Variants in TCF12 observed in about 807,000 individuals in gnomAD.
TCF12 encodes DNA-binding protein HTF4.
A neutral mutation model predicts 86.0 loss-of-function variants in TCF12; 45 were observed. The observed-to-expected ratio is 0.52, with a 90% CI of 0.41 to 0.67. The LOEUF is 0.67. TCF12 is among the 30% of genes least tolerant of loss of function. The pLI, the probability that TCF12 is intolerant of heterozygous loss-of-function variation, is 0.00. For missense variants in TCF12, 881 were observed against 859.9 expected, an observed-to-expected ratio of 1.02 and a Z score of -0.31; for synonymous variants, 330 against 299.6, an observed-to-expected ratio of 1.10 and a Z score of -1.05.
At chr15:57,239,731 G>GA (rs1161960401) in intron 12 of TCF12, among the ~76,000 whole-genome samples, 3 of 151,852 alleles carry the variant, frequency 2.0e-5, no homozygotes, top group African/African-American at 7.3e-5. Flanking sequence ...GGGAAGGGTA[G>GA]AGTGGCAGAG....
intron 8 of TCF12, among the ~76,000 whole-genome samples, chr15:57,208,380 C>CTTTTTT (rs1184422578): frequency 0.32 from 20,561 of 64,614 alleles, 4,002 homozygotes; most frequent in East Asian, 0.5. Flanking sequence ...CAAAAATATC[C>CTTTTTT]TTTTTTTTTT....
At chr15:56,961,594 G>A (rs1283960170) in intron 3 of TCF12, among the ~76,000 whole-genome samples, 1 of 152,150 alleles carries the variant, frequency 6.6e-6, no homozygotes, top group African/African-American at 2.4e-5. Flanking sequence ...TTTGAGGCTT[G>A]TATTAGTAAT....
chr15:56,950,745 GTTTTTTTT>G (rs71113040), intron 3 of TCF12, among the ~76,000 whole-genome samples: 3 of 85,900 alleles, frequency 3.5e-5, no homozygotes, highest in Admixed American at 3.3e-4. Context: ...TTATGACCAT[GTTTTTTTT>G]TTTTTTTTTT....
intron 5 of TCF12, among the ~76,000 whole-genome samples, chr15:57,136,323 G>T (rs756979697): frequency 2.6e-5 from 4 of 152,188 alleles, no homozygotes; most frequent in African/African-American, 7.2e-5. Context: ...ACTGGAAGTG[G>T]GAAGGAAACT....
chr15:56,980,932 A>C (rs1375936418), intron 3 of TCF12, among the ~76,000 whole-genome samples: 1 of 152,210 alleles, frequency 6.6e-6, no homozygotes, highest in Admixed American at 6.5e-5. Flanking sequence ...CTAAATTCTC[A>C]ATACTCAAGA....
chr15:57,069,412 C>G (rs1385564675), intron 4 of TCF12, among the ~76,000 whole-genome samples: 3 of 152,130 alleles, frequency 2.0e-5, no homozygotes, highest in African/African-American at 7.2e-5. Context: ...AAATGAATTG[C>G]TAAATGTCCA....
chr15:56,957,135 C>T lies in TCF12; in HGVS notation c.148+36037C>T, dbSNP rs561730454. Among the ~76,000 whole-genome samples, 5 of 152,282 alleles carry T rather than the reference C, an allele frequency of 3.3e-5. No homozygotes were observed. The East Asian group carries it at 9.6e-4, about 29-fold the overall frequency. ...TGTTACAATGCAATAAGAAGGCCCT[C>T]GCCAGATTCTGGCTCCTTGATCTTG... On this transcript the variant is annotated intron_variant, in intron 3 of 20. Coordinates refer to ENST00000333725, the MANE Select transcript of TCF12 (RefSeq NM_207037.2).
chr15:57,103,367 A>C (rs1259314460), intron 5 of TCF12, among the ~76,000 whole-genome samples: 3 of 152,230 alleles, frequency 2.0e-5, no homozygotes, highest in African/African-American at 7.2e-5. Flanking sequence ...TTTTCAACTT[A>C]AGGCTGTCTT....
chr15:57,141,445 G>T (rs1280819740), intron 5 of TCF12, among the ~76,000 whole-genome samples: 1 of 152,170 alleles, frequency 6.6e-6, no homozygotes, highest in Non-Finnish European at 1.5e-5. Context: ...TGCCTCCCAG[G>T]TTCAAGTGAT....
intron 4 of TCF12, among the ~76,000 whole-genome samples, chr15:57,078,305 G>A (rs1313849903): frequency 6.6e-6 from 1 of 152,096 alleles, no homozygotes; most frequent in African/African-American, 2.4e-5. Flanking sequence ...GGACTGGTTT[G>A]TACCTCATTT....
At chr15:56,923,169 A>C (rs1175338594) in intron 3 of TCF12, among the ~76,000 whole-genome samples, 1 of 152,044 alleles carries the variant, frequency 6.6e-6, no homozygotes, top group African/African-American at 2.4e-5. Context: ...CAGGTATTGT[A>C]ATTTCCTTTC....
intron 8 of TCF12, among the ~76,000 whole-genome samples, chr15:57,201,479 C>T (rs1449442633): frequency 1.3e-5 from 2 of 151,964 alleles, no homozygotes; most frequent in Admixed American, 6.6e-5. Context: ...AAAATAAACA[C>T]GTGTTGAGGT....
At position 57,263,093 on chromosome 15, in the gene TCF12, T is replaced by C. The variant is rs1343516353; in HGVS notation, c.1583-19T>C. On this transcript the variant is annotated intron_variant, in intron 17 of 20. Transcript: ENST00000333725. ...TGAGTCTCGTCTTTTATTTTATCTTTCCTTTGCCTCTTTGTTAGGTGGCTT... is the reference window on the plus strand; with the variant it reads ...TGAGTCTCGTCTTTTATTTTATCTTCCCTTTGCCTCTTTGTTAGGTGGCTT... The C allele has an allele frequency of 1.9e-6, 3 of 1,584,132 alleles. No homozygotes were observed. In the East Asian group the frequency reaches 6.7e-5, roughly 36 times the overall value.
At chr15:57,158,003 A>G (rs1039547140) in intron 5 of TCF12, among the ~76,000 whole-genome samples, 1 of 151,880 alleles carries the variant, frequency 6.6e-6, no homozygotes, top group East Asian at 1.9e-4. Context: ...TCTTCTGGCC[A>G]TTCTAATGAT....
At position 56,931,834 on chromosome 15, in the gene TCF12, G is replaced by A. The variant is rs1318475611; in HGVS notation, c.148+10736G>A. Among the ~76,000 whole-genome samples the A allele has an allele frequency of 2.0e-5, 3 of 152,144 alleles. No individual in the cohort carries two copies. In the East Asian group the frequency reaches 5.8e-4, roughly 29 times the overall value. ...TAGTTTGCTGTAGTCTGTTTTGAGA[G>A]GTAGACCAGTAAGCCATTGACTTTT... is the stretch of plus-strand genomic sequence containing the variant. On this transcript the variant is annotated intron_variant, in intron 3 of 20. Transcript: ENST00000333725.
intron 5 of TCF12, among the ~76,000 whole-genome samples, chr15:57,129,520 C>G (rs531477904): frequency 4.2e-4 from 64 of 152,278 alleles, no homozygotes; most frequent in Admixed American, 1.8e-3. Flanking sequence ...CCACTGCATT[C>G]CAACCCTAGG....
In TCF12 at chr15:57,148,341, G is replaced by A. The variant is rs563813339; in HGVS notation, c.326-18061G>A. ...CAGCTGTTTGAAGGCTGAACCCAGG[G>A]TTTGGAGGCTGGAATGAGCTATGAT... On this transcript the variant is annotated intron_variant, in intron 5 of 20. Transcript: ENST00000333725. Among the ~76,000 whole-genome samples the A allele has an allele frequency of 5.0e-3, 749 of 151,276 alleles. 8 individuals carry two copies. The highest frequency in any genetic ancestry group is 6.8e-3 in the Middle Eastern group (2 of 292).
intron 12 of TCF12, 113 bp from the exon 13 acceptor site, chr15:57,243,359 C>G: frequency 1.2e-6 from 1 of 834,580 alleles, no homozygotes. Flanking sequence ...AATTTTTTCA[C>G]TCTGAAGTCT....
intron 3 of TCF12, among the ~76,000 whole-genome samples, chr15:56,979,727 A>G (rs1192763627): frequency 6.6e-6 from 1 of 152,158 alleles, no homozygotes; most frequent in African/African-American, 2.4e-5. Flanking sequence ...TATGTTCTTT[A>G]TTTGGTCACT....
Sources: gnomAD v4.1 joint callset for allele counts (sites outside exome capture counted in the v4.1 genomes callset) on GRCh38, gnomAD v4.1.1 for gene constraint, MANE v1.5 for transcripts, NCBI Gene and HGNC (gene_info 2026-07-23, HGNC 2026-07-21) for gene names.